ASB5: variants seen among roughly 807,000 people sequenced by gnomAD.
ASB5 encodes ankyrin repeat and SOCS box containing 5.
A neutral mutation model predicts 42.1 loss-of-function variants in ASB5; 45 were observed. The ratio of observed to expected loss-of-function variants is 1.07; its 90% CI spans 0.84 to 1.37. The LOEUF (loss-of-function observed/expected upper bound fraction) is 1.37. ASB5 is among the 40% of genes most tolerant of loss of function. The probability of loss-of-function intolerance (pLI) is 0.00; values close to 1 mark genes in which losing one functional copy is unlikely to be tolerated. For synonymous variants in ASB5, 147 were observed against 150.6 expected (o/e 0.98, Z 0.18); for missense variants, 402 against 399.8 (o/e 1.01, Z -0.05).
chr4:176,274,241 T>C (rs1044606522), intron 2 of ASB5, among the ~76,000 whole-genome samples: 35 of 152,190 alleles, frequency 2.3e-4, no homozygotes, highest in Non-Finnish European at 4.0e-4. Context: ...ATCTAGTTAG[T>C]TGCACCTGAA....
intron 1 of ASB5, among the ~76,000 whole-genome samples, chr4:176,243,151 T>C (rs13151800): frequency 0.21 from 31,697 of 152,178 alleles, 3,376 homozygotes; most frequent in East Asian, 0.26. Flanking sequence ...CCTCTGGACT[T>C]TATAATATTA....
chr4:176,236,978 C>T (rs886771286), intron 1 of ASB5, among the ~76,000 whole-genome samples: 1 of 152,180 alleles, frequency 6.6e-6, no homozygotes, highest in Non-Finnish European at 1.5e-5. Flanking sequence ...TGCCTGTAAA[C>T]AGTCTTTTCC....
At chr4:176,223,015 T>G (rs181142657) in intron 2 of ASB5, among the ~76,000 whole-genome samples, 278 of 152,208 alleles carry the variant, frequency 1.8e-3, no homozygotes, top group Non-Finnish European at 1.9e-3. Context: ...CCTGACCTCG[T>G]GATCCACCCA....
chr4:176,262,624 T>G (rs1754285485), intron 1 of ASB5, among the ~76,000 whole-genome samples: 1 of 152,192 alleles, frequency 6.6e-6, no homozygotes, highest in Non-Finnish European at 1.5e-5. Flanking sequence ...TTTCCATGTT[T>G]TAAAATTACT....
chr4:176,228,622 G>T (rs997457796), intron 1 of ASB5, among the ~76,000 whole-genome samples: 1 of 152,068 alleles, frequency 6.6e-6, no homozygotes, highest in African/African-American at 2.4e-5. Flanking sequence ...TAGCTTTTAT[G>T]TATTACTTCT....
At chr4:176,242,505 A>G (rs551817196) in intron 1 of ASB5, among the ~76,000 whole-genome samples, 6 of 152,336 alleles carry the variant, frequency 3.9e-5, no homozygotes, top group African/African-American at 1.2e-4. Flanking sequence ...AAAATTGTCC[A>G]TTTTGTCTTA....
intron 2 of ASB5, among the ~76,000 whole-genome samples, chr4:176,224,711 A>G (rs1224679512): frequency 6.6e-6 from 1 of 152,142 alleles, no homozygotes; most frequent in African/African-American, 2.4e-5. Flanking sequence ...TTCAAAAAAA[A>G]AAATACCCAA....
intron 1 of ASB5, among the ~76,000 whole-genome samples, chr4:176,239,007 G>A (rs929515314): frequency 6.6e-6 from 1 of 152,144 alleles, no homozygotes; most frequent in Non-Finnish European, 1.5e-5. Context: ...ACACACAAAA[G>A]GTAAGAGAGT....
rs1021117179 is a variant in ASB5 at position 176,215,531 on chromosome 4, A to C, written c.*69T>G. On this transcript the variant is annotated 3_prime_UTR_variant, in exon 7 of 7. Transcript: ENST00000296525. ...TATCCTATCTTTAGCATATTTTTAT[A>C]TGAACTATTCCTTAAGCAAAAGAAA... The C allele has an allele frequency of 6.7e-7, 1 of 1,482,544 alleles. No homozygotes were observed. The highest frequency in any genetic ancestry group is 1.4e-5 in the African/African-American group (1 of 70,664). 91.8% of individuals were successfully genotyped at this position (1,482,544 alleles called of 1,614,324 possible).
chr4:176,233,834 A>G (rs1753614913), intron 1 of ASB5, among the ~76,000 whole-genome samples: 1 of 152,130 alleles, frequency 6.6e-6, no homozygotes, highest in South Asian at 2.1e-4. Context: ...GAATATCTAA[A>G]TAGGTAATAC....
At chr4:176,233,737 G>A (rs1753613508) in intron 1 of ASB5, among the ~76,000 whole-genome samples, 1 of 152,032 alleles carries the variant, frequency 6.6e-6, no homozygotes, top group African/African-American at 2.4e-5. Flanking sequence ...TAACTCTTGA[G>A]GAGCTCCCTT....
At chr4:176,249,341 G>T (rs28469442) in intron 1 of ASB5, 1 of 152,102 alleles carries the variant, frequency 6.6e-6, no homozygotes, top group South Asian at 2.1e-4. Context: ...CAGTTGCGGC[G>T]TATTTTATGA....
chr4:176,237,055 C>A (rs1249239617), intron 1 of ASB5, among the ~76,000 whole-genome samples: 1 of 152,124 alleles, frequency 6.6e-6, no homozygotes, highest in Non-Finnish European at 1.5e-5. Context: ...GAAAGGTAAA[C>A]AAACCAGAGT....
At chr4:176,244,103 T>G (rs536140226) in intron 1 of ASB5, among the ~76,000 whole-genome samples, 1 of 152,338 alleles carries the variant, frequency 6.6e-6, no homozygotes, top group East Asian at 1.9e-4. Context: ...TCTATGTTTC[T>G]TTGCTCACTT....
At chr4:176,268,115 TA>T (rs1754393034) in intron 1 of ASB5, among the ~76,000 whole-genome samples, 1 of 152,188 alleles carries the variant, frequency 6.6e-6, no homozygotes. Flanking sequence ...TATGAGAATT[TA>T]AAAATGGCAC....
intron 1 of ASB5, among the ~76,000 whole-genome samples, chr4:176,245,552 T>A (rs1034815867): frequency 6.6e-6 from 1 of 152,182 alleles, no homozygotes; most frequent in African/African-American, 2.4e-5. Flanking sequence ...ACTGGGTATA[T>A]ACCCAAAGGA....
rs1752914995 is a variant in ASB5 at position 176,214,530 on chromosome 4, G to T, written c.*1070C>A. On this transcript the variant is annotated 3_prime_UTR_variant, in exon 7 of 7. Transcript: ENST00000296525. ...ATCTTCTTTTATACAATACTCTCTT[G>T]CTATTACTTGCAAATACAGTATACT... 1 of 152,094 alleles carries T rather than the reference G, an allele frequency of 6.6e-6. No individual in the cohort carries two copies. Among genetic ancestry groups the T allele is most frequent in the Non-Finnish European group, 1.5e-5 (1 of 68,008 alleles). The allele number at this position is 152,094 out of a possible 1,614,324, so 9.4% of individuals were successfully genotyped here. A position where few individuals can be genotyped will look rare whatever the true frequency, so the allele number is the denominator to read the frequency against.
intron 2 of ASB5, among the ~76,000 whole-genome samples, chr4:176,223,400 A>G (rs1190424344): frequency 2.6e-5 from 4 of 152,212 alleles, no homozygotes; most frequent in Non-Finnish European, 5.9e-5. Context: ...TAATTATTCA[A>G]TCAAAACTAA....
chr4:176,266,957 A>G (rs7663282), intron 1 of ASB5, among the ~76,000 whole-genome samples: 100,682 of 151,934 alleles, frequency 0.66, 33,580 homozygotes, highest in Middle Eastern at 0.74. Context: ...GCACACTAAG[A>G]TAAGTCTAAT....
Sources: gnomAD v4.1 joint callset for allele counts (sites outside exome capture counted in the v4.1 genomes callset) on GRCh38, gnomAD v4.1.1 for gene constraint, MANE v1.5 for transcripts, NCBI Gene and HGNC (gene_info 2026-07-23, HGNC 2026-07-21) for gene names.